The following RCL1 variants were observed in gnomAD, a reference collection of about 807,000 sequenced individuals.
RCL1 encodes the protein RNA terminal phosphate cyclase like 1.
In RCL1, 24 loss-of-function variants were observed where a neutral mutation model predicts 42.4. The observed-to-expected ratio is 0.57, with a 90% CI of 0.41 to 0.80. RCL1 has a LOEUF of 0.80. Among genes scored for constraint, RCL1 ranks in the 30% least tolerant of loss-of-function variants. RCL1 has a pLI of 0.00. For missense variants in RCL1, 578 were observed against 467.9 expected (o/e 1.24, Z -2.17); for synonymous variants, 228 against 177.3 (o/e 1.29, Z -2.27).
chr9:4,835,549 G>T (rs1046395431), intron 5 of RCL1, among the ~76,000 whole-genome samples: 3 of 152,186 alleles, frequency 2.0e-5, no homozygotes, highest in Non-Finnish European at 2.9e-5. Context: ...GGAGAAGGAA[G>T]GATGAGGGAG....
intron 2 of RCL1, among the ~76,000 whole-genome samples, chr9:4,825,665 G>A (rs976423266): frequency 2.0e-5 from 3 of 152,190 alleles, no homozygotes; most frequent in African/African-American, 7.2e-5. Flanking sequence ...ATTTTGTGCA[G>A]CAGAAATACC....
chr9:4,849,534 C>T lies in RCL1; in HGVS notation c.955C>T (p.Pro319Ser), dbSNP rs945274203. Residue 319 changes from proline to serine, a missense_variant, in exon 8 of 9, where the codon CCT (proline) becomes TCT (serine). By Grantham distance (74) the Pro-to-Ser change is moderately conservative. Transcript: ENST00000381750. ...GGATGTTTCCAAAGTCCTGCTAGGC[C>T]CTCTCTCTCCCTACACGTAAGTTAT... ...QQDVSKVLLG[P>S]LSPYTIEFLR... The T allele has an allele frequency of 1.9e-6, 3 of 1,609,948 alleles. No individual in the cohort carries two copies. Among genetic ancestry groups the T allele is most frequent in the Non-Finnish European group, 2.5e-6 (3 of 1,176,958 alleles).
rs1257763899 is a variant in RCL1 at position 4,837,193 on chromosome 9, AATTCATTCTT to A, written c.584+2932_584+2941del. On this transcript the variant is annotated intron_variant, in intron 5 of 8. Coordinates refer to ENST00000381750, the MANE Select transcript of RCL1 (RefSeq NM_005772.5). ...AAACCAAATGTGCCTTTTCTACTTG[AATTCATTCTT>A]ATTAACAGATGCATTGTATTCCACC... Among the ~76,000 whole-genome samples the A allele has an allele frequency of 4.6e-5, 7 of 152,148 alleles. No individual in the cohort carries two copies. The East Asian group carries it at 1.4e-3, about 29-fold the overall frequency.
At chr9:4,829,220 T>C (rs1047146192) in intron 3 of RCL1, among the ~76,000 whole-genome samples, 3 of 152,194 alleles carry the variant, frequency 2.0e-5, no homozygotes, top group Non-Finnish European at 4.4e-5. Flanking sequence ...AGAATCAGTC[T>C]GGGTTTTAGG....
chr9:4,850,025 T>G (rs1007055139), intron 8 of RCL1, among the ~76,000 whole-genome samples: 2 of 152,116 alleles, frequency 1.3e-5, no homozygotes, highest in African/African-American at 4.8e-5. Context: ...AGAAGTGAGT[T>G]TGGATTGTTG....
chr9:4,844,321 G>T (rs1002150985), intron 6 of RCL1, among the ~76,000 whole-genome samples: 2 of 152,144 alleles, frequency 1.3e-5, no homozygotes, highest in African/African-American at 2.4e-5. Flanking sequence ...TTAAAATTTT[G>T]TGGAGAGATG....
At chr9:4,859,963 G>A (rs1163145963) in intron 8 of RCL1, among the ~76,000 whole-genome samples, 162 bp from the exon 9 acceptor site, 2 of 151,952 alleles carry the variant, frequency 1.3e-5, no homozygotes, top group African/African-American at 4.8e-5. Context: ...TTTGGAAACT[G>A]GCTGGCTGAA....
intron 1 of RCL1, among the ~76,000 whole-genome samples, chr9:4,818,581 C>T (rs574401268): frequency 2.0e-5 from 3 of 152,168 alleles, no homozygotes; most frequent in African/African-American, 4.8e-5. Context: ...TCTGGTTATT[C>T]GCTAAAGAAA....
chr9:4,849,994 A>C (rs113598103), intron 8 of RCL1, among the ~76,000 whole-genome samples: 42 of 152,332 alleles, frequency 2.8e-4, no homozygotes, highest in African/African-American at 8.9e-4. Context: ...TATTAATGCT[A>C]CTGGACTAGT....
intron 1 of RCL1, among the ~76,000 whole-genome samples, chr9:4,807,872 C>T (rs1816037048): frequency 6.6e-6 from 1 of 152,070 alleles, no homozygotes; most frequent in Non-Finnish European, 1.5e-5. Flanking sequence ...TGGATATTTT[C>T]TGCTATTGAT....
chr9:4,820,322 T>A (rs1816548483), intron 1 of RCL1, among the ~76,000 whole-genome samples: 1 of 152,184 alleles, frequency 6.6e-6, no homozygotes, highest in African/African-American at 2.4e-5. Context: ...TTAGGTGGAC[T>A]TGAGATCTTT....
At chr9:4,857,469 A>G (rs1401879796) in intron 8 of RCL1, among the ~76,000 whole-genome samples, 1 of 149,838 alleles carries the variant, frequency 6.7e-6, no homozygotes, top group Non-Finnish European at 1.5e-5. Flanking sequence ...AAAAAAAAAA[A>G]TCTTCCATTG....
At chr9:4,809,420 C>T (rs1816093353) in intron 1 of RCL1, among the ~76,000 whole-genome samples, 1 of 151,838 alleles carries the variant, frequency 6.6e-6, no homozygotes. Flanking sequence ...AGCGATTCCC[C>T]TGCCTCAGCC....
intron 6 of RCL1, among the ~76,000 whole-genome samples, chr9:4,842,416 A>G (rs759819016): frequency 6.6e-6 from 1 of 152,226 alleles, no homozygotes. Flanking sequence ...AGATGAAGGT[A>G]GTTTTAGAAA....
chr9:4,831,150 C>A (rs984741396), intron 3 of RCL1, among the ~76,000 whole-genome samples: 3 of 152,156 alleles, frequency 2.0e-5, no homozygotes, highest in African/African-American at 7.2e-5. Context: ...TCCCACCGCA[C>A]CAAGTTGCCT....
chr9:4,834,058 G>C, intron 4 of RCL1, 83 bp from the exon 5 acceptor site: 1 of 1,476,856 alleles, frequency 6.8e-7, no homozygotes, highest in South Asian at 1.3e-5. Context: ...AGCATCTGCT[G>C]GTGTAAACCT....
At chr9:4,807,468 C>A (rs1816016483) in intron 1 of RCL1, among the ~76,000 whole-genome samples, 1 of 152,104 alleles carries the variant, frequency 6.6e-6, no homozygotes, top group South Asian at 2.1e-4. Flanking sequence ...TCATTTAGGT[C>A]AACGTAATTT....
intron 1 of RCL1, among the ~76,000 whole-genome samples, chr9:4,815,553 A>G (rs959633147): frequency 6.6e-6 from 1 of 151,442 alleles, no homozygotes; most frequent in African/African-American, 2.4e-5. Flanking sequence ...CTCCATCTTC[A>G]TTTGGCACCA....
At chr9:4,795,640 T>C (rs572455242) in intron 1 of RCL1, among the ~76,000 whole-genome samples, 35 of 152,144 alleles carry the variant, frequency 2.3e-4, no homozygotes, top group Non-Finnish European at 4.0e-4. Flanking sequence ...TTCTCAGAGT[T>C]GGAAAAAACT....
Sources: allele counts gnomAD v4.1 joint callset (sites outside exome capture counted in the v4.1 genomes callset), GRCh38; gene constraint gnomAD v4.1.1; transcripts MANE v1.5; gene names NCBI Gene and HGNC (gene_info 2026-07-23, HGNC 2026-07-21).